Variants in DOCK2 observed in about 807,000 individuals in gnomAD.
The protein encoded by DOCK2 is dedicator of cytokinesis protein 2.
A neutral mutation model predicts 248.9 loss-of-function variants in DOCK2; 87 were observed. The ratio of observed to expected loss-of-function variants is 0.35; its 90% CI spans 0.29 to 0.42. DOCK2 has a LOEUF of 0.42. DOCK2 is among the 10% of genes least tolerant of loss of function. The pLI is 1.00. For missense variants in DOCK2, 1,747 were observed against 2,300.2 expected, an observed-to-expected ratio of 0.76 and a Z score of 4.92; for synonymous variants, 805 against 821.6, an observed-to-expected ratio of 0.98 and a Z score of 0.35.
intron 27 of DOCK2, among the ~76,000 whole-genome samples, chr5:169,848,229 A>C (rs577049891): frequency 6.6e-6 from 1 of 152,348 alleles, no homozygotes; most frequent in Admixed American, 6.5e-5. Context: ...GCCCTCACAC[A>C]CAGGTAGGCA....
At chr5:169,996,297 G>C in intron 30 of DOCK2, 133 bp downstream of exon 30, 2 of 875,820 alleles carry the variant, frequency 2.3e-6, no homozygotes, top group East Asian at 2.7e-5. Context: ...CCCACGGGGG[G>C]TTATGGCTGG....
At chr5:169,678,413 G>A (rs930570122) in intron 6 of DOCK2, among the ~76,000 whole-genome samples, 4 of 151,984 alleles carry the variant, frequency 2.6e-5, no homozygotes, top group East Asian at 1.9e-4. Context: ...ATAGGCACAC[G>A]TCACCATGCC....
intron 27 of DOCK2, among the ~76,000 whole-genome samples, chr5:169,841,085 C>G (rs261624): frequency 3.3e-5 from 5 of 151,834 alleles, no homozygotes; most frequent in Non-Finnish European, 7.4e-5. Context: ...CTAAATTGAG[C>G]ATACCAGCAA....
chr5:169,825,285 AT>A, intron 26 of DOCK2, among the ~76,000 whole-genome samples: 1 of 152,298 alleles, frequency 6.6e-6, no homozygotes, highest in South Asian at 2.1e-4. Flanking sequence ...TACCCAAAGG[AT>A]TATAAATCAT....
chr5:169,882,431 A>G, intron 27 of DOCK2: 2 of 793,280 alleles, frequency 2.5e-6, no homozygotes, highest in Admixed American at 2.9e-5. Context: ...GATTTGGAGA[A>G]ACAACAGTGC....
chr5:170,040,591 A>G (rs950421792), intron 36 of DOCK2: 5 of 178,680 alleles, frequency 2.8e-5, no homozygotes, highest in African/African-American at 1.1e-4. Flanking sequence ...CTTCAATGAC[A>G]CAGTGATTAA....
At position 170,057,564 on chromosome 5, in the gene DOCK2, C is replaced by T; in HGVS notation, c.4381-16C>T. ...TGTTGCTTTCCTGCCCTTGCCACCCCTCTGCCCACGGACAGTCCATGTGGA... is the reference window on the plus strand; with the variant it reads ...TGTTGCTTTCCTGCCCTTGCCACCCTTCTGCCCACGGACAGTCCATGTGGA... On this transcript the variant is annotated splice_polypyrimidine_tract_variant and intron_variant, in intron 43 of 51. Transcript: ENST00000520908. 9 of 1,613,308 alleles carry T rather than the reference C, an allele frequency of 5.6e-6. No individual in the cohort carries two copies. Among genetic ancestry groups the T allele is most frequent in the African/African-American group, 2.7e-5 (2 of 75,042 alleles).
intron 27 of DOCK2, among the ~76,000 whole-genome samples, chr5:169,863,858 C>T (rs1362150938): frequency 6.6e-6 from 1 of 152,222 alleles, no homozygotes; most frequent in African/African-American, 2.4e-5. Flanking sequence ...TAACCTCCCT[C>T]TACCTTCCGG....
intron 25 of DOCK2, among the ~76,000 whole-genome samples, chr5:169,783,946 A>G (rs1454028660): frequency 6.6e-6 from 1 of 152,216 alleles, no homozygotes; most frequent in East Asian, 1.9e-4. Flanking sequence ...GTTTGAAATT[A>G]GCACCCTCTT....
At chr5:169,887,936 A>T (rs1773065581) in intron 27 of DOCK2, among the ~76,000 whole-genome samples, 2 of 152,236 alleles carry the variant, frequency 1.3e-5, no homozygotes, top group Non-Finnish European at 2.9e-5. Flanking sequence ...TTGCCAATAA[A>T]GTAGAAAAGA....
intron 22 of DOCK2, among the ~76,000 whole-genome samples, chr5:169,725,075 G>A (rs569706894): frequency 7.9e-5 from 12 of 152,270 alleles, no homozygotes; most frequent in Admixed American, 3.3e-4. Context: ...TGTTTATGCC[G>A]AGCATGAGCT....
chr5:169,966,762 G>A (rs907567357), intron 27 of DOCK2, among the ~76,000 whole-genome samples: 7 of 152,130 alleles, frequency 4.6e-5, no homozygotes, highest in Admixed American at 1.3e-4. Flanking sequence ...AAATGAGGCC[G>A]GAAAGAATGG....
intron 27 of DOCK2, among the ~76,000 whole-genome samples, chr5:169,853,519 A>G (rs1770720379): frequency 6.6e-6 from 1 of 152,324 alleles, no homozygotes; most frequent in South Asian, 2.1e-4. Context: ...ATGATTTTTA[A>G]CAACACAAGA....
At chr5:169,675,199 GA>G (rs1759263814) in intron 6 of DOCK2, among the ~76,000 whole-genome samples, 1 of 152,186 alleles carries the variant, frequency 6.6e-6, no homozygotes, top group East Asian at 1.9e-4. Context: ...TCTGAACTTA[GA>G]CCCAGGCAGT....
intron 27 of DOCK2, among the ~76,000 whole-genome samples, chr5:169,944,920 C>T (rs1422537214): frequency 2.0e-5 from 3 of 152,176 alleles, no homozygotes; most frequent in African/African-American, 4.8e-5. Flanking sequence ...CTCTTGTCTG[C>T]TACATGTTCT....
chr5:169,960,238 G>A (rs1777031302), intron 27 of DOCK2, among the ~76,000 whole-genome samples: 1 of 152,176 alleles, frequency 6.6e-6, no homozygotes, highest in Non-Finnish European at 1.5e-5. Context: ...AGCTGTGTAT[G>A]CCTTCCATGT....
chr5:169,967,881 G>A (rs1777361642), intron 27 of DOCK2, among the ~76,000 whole-genome samples: 1 of 152,160 alleles, frequency 6.6e-6, no homozygotes, highest in South Asian at 2.1e-4. Flanking sequence ...TGTGGGAGGA[G>A]CGAGAGAAAG....
At chr5:169,671,347 C>G (rs1370036889) in intron 5 of DOCK2, among the ~76,000 whole-genome samples, 173 bp downstream of exon 5, 1 of 152,188 alleles carries the variant, frequency 6.6e-6, no homozygotes, top group East Asian at 1.9e-4. Flanking sequence ...GGGACTTTCT[C>G]AAAGCCACAG....
chr5:169,835,260 GTTTTTTTTTTT>G (rs547978458), intron 26 of DOCK2, among the ~76,000 whole-genome samples: 1 of 134,796 alleles, frequency 7.4e-6, no homozygotes, highest in Non-Finnish European at 1.6e-5. Flanking sequence ...GAAATGCCTG[GTTTTTTTTTTT>G]TTTTTTTTGA....
Sources: allele counts gnomAD v4.1 joint callset (sites outside exome capture counted in the v4.1 genomes callset), GRCh38; gene constraint gnomAD v4.1.1; transcripts MANE v1.5; gene names NCBI Gene and HGNC (gene_info 2026-07-23, HGNC 2026-07-21).